Variants in PLXDC2 observed in about 807,000 individuals in gnomAD.
PLXDC2 encodes the protein plexin domain containing 2, also known as plexin domain-containing protein 2.
Under a neutral mutation model 68.9 loss-of-function variants are expected in PLXDC2, and 40 were observed. That is an observed-to-expected ratio of 0.58 (90% CI 0.45 to 0.76). The LOEUF (loss-of-function observed/expected upper bound fraction) is 0.76. Ranked by LOEUF, PLXDC2 falls within the 30% of genes least tolerant of loss-of-function variation. The pLI, the probability that PLXDC2 is intolerant of heterozygous loss-of-function variation, is 0.00. For synonymous variants in PLXDC2, 243 were observed against 234.2 expected, an observed-to-expected ratio of 1.04 and a Z score of -0.34; for missense variants, 644 against 661.9, an observed-to-expected ratio of 0.97 and a Z score of 0.30.
chr10:19,994,366 G>C, intron 1 of PLXDC2, among the ~76,000 whole-genome samples: 1 of 116,094 alleles, frequency 8.6e-6, no homozygotes, highest in East Asian at 2.3e-4. Context: ...TGTCACCCAG[G>C]CTGGAAGGCT....
At chr10:20,025,957 A>G (rs910352614) in intron 2 of PLXDC2, among the ~76,000 whole-genome samples, 1 of 152,108 alleles carries the variant, frequency 6.6e-6, no homozygotes, top group African/African-American at 2.4e-5. Context: ...CAGATTAGTG[A>G]AAAGAACTAC....
chr10:19,962,547 C>T (rs1834175489), intron 1 of PLXDC2, among the ~76,000 whole-genome samples: 1 of 149,244 alleles, frequency 6.7e-6, no homozygotes, highest in South Asian at 2.1e-4. Flanking sequence ...CATGCCTCCA[C>T]GCCCGGCTAA....
chr10:20,064,105 A>G (rs1252981653), intron 3 of PLXDC2, among the ~76,000 whole-genome samples: 1 of 143,096 alleles, frequency 7.0e-6, no homozygotes, highest in African/African-American at 2.6e-5. Flanking sequence ...TCCCACCACC[A>G]TTTTCTTGAA....
chr10:19,988,858 C>A (rs1834696439), intron 1 of PLXDC2, among the ~76,000 whole-genome samples: 1 of 128,886 alleles, frequency 7.8e-6, no homozygotes, highest in Non-Finnish European at 1.6e-5. Context: ...TGCAATGGCG[C>A]CATCTCTGCT....
At chr10:19,979,679 C>T (rs1316530818) in intron 1 of PLXDC2, among the ~76,000 whole-genome samples, 1 of 152,132 alleles carries the variant, frequency 6.6e-6, no homozygotes, top group Non-Finnish European at 1.5e-5. Context: ...TTTAAAGGAA[C>T]TTTTTCAAAT....
intron 9 of PLXDC2, among the ~76,000 whole-genome samples, chr10:20,200,854 A>G (rs1834907578): frequency 6.6e-6 from 1 of 152,142 alleles, no homozygotes; most frequent in African/African-American, 2.4e-5. Context: ...TAGAGTAGCT[A>G]TCATCAAAAA....
At position 20,127,593 on chromosome 10, in the gene PLXDC2, T is replaced by C. The variant is rs541441118; in HGVS notation, c.542-15702T>C. On this transcript the variant is annotated intron_variant, in intron 4 of 13. Transcript: ENST00000377252. ...GATGATGTAGAAAGAAGGACTCCTA[T>C]CCAAAGGCAGCCCCCTCTTTATATA... Among the ~76,000 whole-genome samples the C allele has an allele frequency of 5.9e-5, 9 of 152,300 alleles. No individual in the cohort carries two copies. In the East Asian group the frequency reaches 1.7e-3, roughly 29 times the overall value.
chr10:19,879,757 C>A (rs1264928508), intron 1 of PLXDC2, among the ~76,000 whole-genome samples: 1 of 152,154 alleles, frequency 6.6e-6, no homozygotes, highest in African/African-American at 2.4e-5. Flanking sequence ...GTTTGGAACT[C>A]AGTGGGTAAT....
chr10:20,149,303 A>G (rs1335510686), intron 6 of PLXDC2, among the ~76,000 whole-genome samples: 1 of 122,572 alleles, frequency 8.2e-6, no homozygotes, highest in African/African-American at 3.2e-5. Flanking sequence ...CAATGGCCAG[A>G]TCTTGCCTCA....
intron 2 of PLXDC2, among the ~76,000 whole-genome samples, chr10:20,020,254 A>G (rs1022195489): frequency 1.4e-5 from 2 of 142,832 alleles, no homozygotes; most frequent in African/African-American, 5.2e-5. Context: ...TCCCAGCATC[A>G]AGCAATCCTC....
chr10:20,032,851 G>A (rs58455276), intron 2 of PLXDC2, among the ~76,000 whole-genome samples: 2,669 of 151,586 alleles, frequency 0.018, 75 homozygotes, highest in African/African-American at 0.061. Context: ...AGAGGACTTG[G>A]GAATATCATA....
chr10:19,914,939 G>A (rs1446160678), intron 1 of PLXDC2, among the ~76,000 whole-genome samples: 1 of 152,074 alleles, frequency 6.6e-6, no homozygotes, highest in Non-Finnish European at 1.5e-5. Flanking sequence ...TACTAATGTA[G>A]CCTCTCTAGA....
At chr10:20,253,463 T>C (rs11011912) in intron 13 of PLXDC2, among the ~76,000 whole-genome samples, 35,287 of 151,658 alleles carry the variant, frequency 0.23, 4,146 homozygotes, top group African/African-American at 0.26. Flanking sequence ...TTAGAAGTTA[T>C]AAGTTATTTC....
chr10:20,061,693 C>T lies in PLXDC2; in HGVS notation c.472-6477C>T, dbSNP rs191163071. Among the ~76,000 whole-genome samples the T allele has an allele frequency of 3.7e-3, 564 of 152,274 alleles. 13 individuals carry two copies. Among genetic ancestry groups the T allele is most frequent in the Non-Finnish European group, 9.0e-4 (61 of 68,016 alleles). The stretch of plus-strand genomic sequence containing the variant: ...TGCTAACTACAGGCAAAATACTTAG[C>T]ATAATGTCCGATCTATTAAATGTTA... On this transcript the variant is annotated intron_variant, in intron 3 of 13. Transcript: ENST00000377252.
intron 1 of PLXDC2, among the ~76,000 whole-genome samples, chr10:19,916,136 G>GTT (rs1321024426): frequency 2.0e-4 from 24 of 122,718 alleles, no homozygotes; most frequent in African/African-American, 8.4e-4. Context: ...GTTTTGTTTT[G>GTT]TTTTTTTTTT....
chr10:20,124,569 C>T (rs1028987348), intron 4 of PLXDC2, among the ~76,000 whole-genome samples: 1 of 152,108 alleles, frequency 6.6e-6, no homozygotes, highest in Non-Finnish European at 1.5e-5. Context: ...ACCAAACAGG[C>T]TTTGTGTGAG....
chr10:20,003,147 A>G (rs1229048493), intron 2 of PLXDC2, among the ~76,000 whole-genome samples: 1 of 152,186 alleles, frequency 6.6e-6, no homozygotes, highest in African/African-American at 2.4e-5. Context: ...AGTCCTTAGC[A>G]CTGCAAATCA....
intron 2 of PLXDC2, among the ~76,000 whole-genome samples, chr10:20,019,505 C>T (rs1434394437): frequency 1.3e-5 from 2 of 152,092 alleles, no homozygotes; most frequent in Non-Finnish European, 2.9e-5. Flanking sequence ...GCCCTAGCCC[C>T]CAGTGTGACT....
At chr10:20,166,063 A>G (rs979332970) in intron 7 of PLXDC2, among the ~76,000 whole-genome samples, 7 of 151,940 alleles carry the variant, frequency 4.6e-5, no homozygotes, top group Non-Finnish European at 8.8e-5. Flanking sequence ...TTCTTCTTTT[A>G]TTTGGTTACA....
Sources: allele counts gnomAD v4.1 joint callset (sites outside exome capture counted in the v4.1 genomes callset), GRCh38; gene constraint gnomAD v4.1.1; transcripts MANE v1.5; gene names NCBI Gene and HGNC (gene_info 2026-07-23, HGNC 2026-07-21).